The following RTN4 variants were observed in gnomAD, a reference collection of about 807,000 sequenced individuals.
RTN4 encodes the protein reticulon-4.
RTN4 carries 32 observed loss-of-function variants against 90.4 expected under a neutral mutation model. The observed-to-expected ratio is 0.35, with a 90% CI of 0.27 to 0.48. The LOEUF (loss-of-function observed/expected upper bound fraction) is 0.48. Ranked by LOEUF, RTN4 falls within the 20% of genes least tolerant of loss-of-function variation. The pLI, the probability that RTN4 is intolerant of heterozygous loss-of-function variation, is 0.99. For missense variants in RTN4, 1,706 were observed against 1,430.2 expected (o/e 1.19, Z -3.11); for synonymous variants, 629 against 552.5 (o/e 1.14, Z -1.94).
intron 3 of RTN4, among the ~76,000 whole-genome samples, chr2:55,022,931 C>CACACACACACACACA (rs1558815395): frequency 1.4e-5 from 1 of 71,392 alleles, no homozygotes; most frequent in Admixed American, 1.5e-4. Context: ...ACACACACAC[C>CACACACACACACACA]CTGCTCTCCC....
chr2:55,079,186 C>T (rs147163878), intron 2 of RTN4, among the ~76,000 whole-genome samples: 56 of 152,286 alleles, frequency 3.7e-4, no homozygotes, highest in African/African-American at 1.3e-3. Flanking sequence ...GTTGCCAAAG[C>T]TTCAAATACC....
Position 55,026,370 on chromosome 2 carries a change from T to C in RTN4, c.1729A>G (p.Met577Val). ...TGTKIAYETK[M>V]DLVQTSEVMQ... The stretch of plus-strand genomic sequence containing the variant: ...ACTTCTGATGTTTGAACCAAGTCCA[T>C]TTTTGTTTCATAAGCAATCTTTGTA... The change falls in exon 3 of 9, where the codon ATG becomes GTG. Residue 577 changes from methionine (M) to valine (V), a missense_variant. Met to Val is a conservative substitution (Grantham distance 21, BLOSUM62 1). Transcript: ENST00000337526. 6.2e-7 allele frequency: 1 copy of C among 1,613,946 alleles called. No homozygotes were observed. Among genetic ancestry groups the C allele is most frequent in the Non-Finnish European group, 8.5e-7 (1 of 1,179,890 alleles).
intron 1 of RTN4, 97 bp downstream of exon 1, chr2:55,049,648 G>C: frequency 3.3e-6 from 5 of 1,526,526 alleles, no homozygotes; most frequent in Non-Finnish European, 4.4e-6. Flanking sequence ...AGCGCCCTCG[G>C]GGCGGAGAGG....
chr2:55,077,902 C>G (rs976773109), intron 2 of RTN4, among the ~76,000 whole-genome samples: 1 of 151,932 alleles, frequency 6.6e-6, no homozygotes, highest in Admixed American at 6.6e-5. Context: ...ACTCACTTCA[C>G]TTAGAATGGA....
intron 3 of RTN4, among the ~76,000 whole-genome samples, chr2:55,006,054 G>A (rs12989576): frequency 0.081 from 12,327 of 152,024 alleles, 643 homozygotes; most frequent in South Asian, 0.15. Context: ...TTAAAATAGC[G>A]TACAGTATTT....
At chr2:55,031,777 A>G (rs1682334714) in intron 1 of RTN4, among the ~76,000 whole-genome samples, 1 of 152,210 alleles carries the variant, frequency 6.6e-6, no homozygotes, top group African/African-American at 2.4e-5. Context: ...TTTGCACAAT[A>G]AAAACAGAGA....
At position 55,026,082 on chromosome 2, in the gene RTN4, T is replaced by C; in HGVS notation, c.2017A>G (p.Ile673Val). ...MSVSLKKVSG[I>V]KEEIKEPENI... ...TCAGGCTCTTTAATTTCTTCCTTTA[T>C]TCCTGATACTTTTTTTAGTGATACA... Residue 673 changes from isoleucine (I) to valine (V), a missense_variant, in exon 3 of 9, where the codon ATA becomes GTA. Coordinates refer to ENST00000337526, the MANE Select transcript of RTN4 (RefSeq NM_020532.5). 2.5e-6 allele frequency: 4 copies of C among 1,611,330 alleles called. No individual in the cohort carries two copies. The highest frequency in any genetic ancestry group is 3.4e-6 in the Non-Finnish European group (4 of 1,179,366).
intron 1 of RTN4, among the ~76,000 whole-genome samples, chr2:55,098,377 A>G (rs1021405910): frequency 1.3e-5 from 2 of 152,144 alleles, no homozygotes; most frequent in Non-Finnish European, 2.9e-5. Flanking sequence ...AAAACATTTT[A>G]TTATAATAAT....
the RTN4 span, among the ~76,000 whole-genome samples, chr2:55,120,914 G>T: frequency 2.0e-5 from 3 of 152,066 alleles, no homozygotes; most frequent in Non-Finnish European, 2.9e-5. Context: ...TCAACCACAG[G>T]GGTCCCCAGG....
At chr2:55,045,330 A>T (rs565758097) in intron 1 of RTN4, among the ~76,000 whole-genome samples, 1 of 152,160 alleles carries the variant, frequency 6.6e-6, no homozygotes, top group Non-Finnish European at 1.5e-5. Flanking sequence ...CTCTTCGTAA[A>T]CTAACTATAA....
the RTN4 span, among the ~76,000 whole-genome samples, chr2:55,120,821 G>A: frequency 6.6e-6 from 1 of 152,100 alleles, no homozygotes; most frequent in African/African-American, 2.4e-5. Context: ...ATTGTCAGCA[G>A]CCTGGCTCAG....
intron 2 of RTN4, among the ~76,000 whole-genome samples, chr2:55,056,149 A>G (rs934177731): frequency 2.0e-5 from 3 of 152,158 alleles, no homozygotes; most frequent in Non-Finnish European, 4.4e-5. Context: ...TAAGTTTTAA[A>G]TTGTGTTCTG....
At chr2:55,008,176 C>CACACACACACACACA (rs1553438392) in intron 3 of RTN4, among the ~76,000 whole-genome samples, 1 of 149,570 alleles carries the variant, frequency 6.7e-6, no homozygotes, top group South Asian at 2.1e-4. Context: ...CACACACACA[C>CACACACACACACACA]CACCTTTTAA....
chr2:55,040,039 C>T (rs1682967447), intron 1 of RTN4, among the ~76,000 whole-genome samples: 1 of 152,130 alleles, frequency 6.6e-6, no homozygotes, highest in Non-Finnish European at 1.5e-5. Context: ...GGCAGTTTCT[C>T]AGTCCTTGTT....
At position 55,097,757 on chromosome 2, in the gene RTN4, C is replaced by A. The variant is rs149826639; in HGVS notation, c.-214+14763G>T. Reference sequence around the variant, plus strand: ...AACATGTTGACTTTGAAGTGAAATCCATAATGAAGAGCTGACACTTGAACA... The same window carrying A: ...AACATGTTGACTTTGAAGTGAAATCAATAATGAAGAGCTGACACTTGAACA... On this transcript the variant is annotated intron_variant, in intron 1 of 3. Transcript: ENST00000427710. 3.5e-3 allele frequency among the ~76,000 whole-genome samples: 536 copies of A among 152,130 alleles called. 9 individuals are homozygous for A. The highest frequency in any genetic ancestry group is 0.012 in the African/African-American group (505 of 41,466).
At chr2:55,057,267 T>C (rs1668206265) in intron 2 of RTN4, among the ~76,000 whole-genome samples, 1 of 152,218 alleles carries the variant, frequency 6.6e-6, no homozygotes, top group Non-Finnish European at 1.5e-5. Flanking sequence ...TGATATGATG[T>C]ATGCGGATTT....
chr2:55,044,829 C>G (rs7584386), intron 1 of RTN4, among the ~76,000 whole-genome samples: 65,337 of 139,048 alleles, frequency 0.47, 16,045 homozygotes, highest in African/African-American at 0.63. Flanking sequence ...ATTTGACACT[C>G]AGTTGCCCAG....
At chr2:55,072,389 C>T (rs994836634) in intron 2 of RTN4, among the ~76,000 whole-genome samples, 10 of 152,170 alleles carry the variant, frequency 6.6e-5, no homozygotes, top group African/African-American at 2.4e-4. Context: ...ACCACCATGC[C>T]CAGCTGATTT....
intron 3 of RTN4, among the ~76,000 whole-genome samples, chr2:55,009,749 GA>G: frequency 6.6e-6 from 1 of 152,164 alleles, no homozygotes; most frequent in Non-Finnish European, 1.5e-5. Context: ...ATGTCACTGT[GA>G]AACACAAAAA....
Sources: allele counts gnomAD v4.1 joint callset (sites outside exome capture counted in the v4.1 genomes callset), GRCh38; gene constraint gnomAD v4.1.1; transcripts MANE v1.5; gene names NCBI Gene and HGNC (gene_info 2026-07-23, HGNC 2026-07-21).